Variants in PTPRK observed in about 807,000 individuals in gnomAD.
PTPRK encodes the protein protein tyrosine phosphatase receptor type K.
In PTPRK, 75 loss-of-function variants were observed where a neutral mutation model predicts 178.0. That is an observed-to-expected ratio of 0.42 (90% confidence interval 0.35 to 0.51). PTPRK has a LOEUF of 0.51. PTPRK is among the 20% of genes least tolerant of loss of function. The probability of loss-of-function intolerance (pLI) is 0.02; values close to 1 mark genes in which losing one functional copy is unlikely to be tolerated. For synonymous variants in PTPRK, 637 were observed against 620.6 expected, an observed-to-expected ratio of 1.03 and a Z score of -0.39; for missense variants, 1,441 against 1,797.8, an observed-to-expected ratio of 0.80 and a Z score of 3.59.
chr6:127,990,688 T>A, intron 21 of PTPRK, 81 bp downstream of exon 21: 1 of 896,578 alleles, frequency 1.1e-6, no homozygotes, highest in Non-Finnish European at 1.8e-6. Context: ...TATAGCATCA[T>A]CAAAACAGAA....
intron 2 of PTPRK, among the ~76,000 whole-genome samples, chr6:128,381,498 A>G (rs1229228710): frequency 2.0e-5 from 3 of 152,154 alleles, no homozygotes; most frequent in African/African-American, 7.2e-5. Context: ...TTAAAAAAAA[A>G]GTAAGTGAAA....
chr6:128,440,871 A>T (rs994492391), intron 1 of PTPRK, among the ~76,000 whole-genome samples: 2 of 145,472 alleles, frequency 1.4e-5, no homozygotes, highest in South Asian at 4.2e-4. Flanking sequence ...TTTTGCTATT[A>T]AAAAAAAAAT....
intron 29 of PTPRK, 58 bp downstream of exon 29, chr6:127,972,964 A>T: frequency 6.6e-7 from 1 of 1,526,570 alleles, no homozygotes; most frequent in Non-Finnish European, 9.1e-7. Context: ...ATCAATAAGT[A>T]GGTATATGAC....
At chr6:128,434,878 G>T (rs1276202511) in intron 1 of PTPRK, among the ~76,000 whole-genome samples, 3 of 151,898 alleles carry the variant, frequency 2.0e-5, no homozygotes, top group Admixed American at 2.0e-4. Flanking sequence ...AAAAAAAAAA[G>T]TTGAGCATGG....
chr6:128,435,339 G>T (rs368871958), intron 1 of PTPRK, among the ~76,000 whole-genome samples: 1 of 152,070 alleles, frequency 6.6e-6, no homozygotes, highest in Non-Finnish European at 1.5e-5. Flanking sequence ...TCCTGACAGG[G>T]TCTAAAATTG....
At chr6:128,434,202 T>C (rs1272130293) in intron 1 of PTPRK, among the ~76,000 whole-genome samples, 2 of 152,068 alleles carry the variant, frequency 1.3e-5, no homozygotes, top group African/African-American at 4.8e-5. Context: ...TCTGGGACGA[T>C]TCACAACCTC....
intron 6 of PTPRK, among the ~76,000 whole-genome samples, chr6:128,190,266 T>C (rs1034829467): frequency 7.9e-5 from 12 of 152,140 alleles, no homozygotes; most frequent in Non-Finnish European, 1.8e-4. Flanking sequence ...GTTATTTTTC[T>C]GATACTTCAA....
chr6:128,180,924 G>T (rs887494738), intron 7 of PTPRK, among the ~76,000 whole-genome samples: 2 of 152,022 alleles, frequency 1.3e-5, no homozygotes, highest in African/African-American at 4.8e-5. Context: ...TATTAAGGCC[G>T]TTAAAAGTCT....
At chr6:128,042,721 T>C (rs1488076837) in intron 13 of PTPRK, among the ~76,000 whole-genome samples, 2 of 152,074 alleles carry the variant, frequency 1.3e-5, no homozygotes, top group East Asian at 3.9e-4. Flanking sequence ...GGATTAGATG[T>C]AGACATCTTT....
chr6:128,324,656 C>G (rs1311019582), intron 2 of PTPRK, among the ~76,000 whole-genome samples: 1 of 152,096 alleles, frequency 6.6e-6, no homozygotes, highest in African/African-American at 2.4e-5. Flanking sequence ...TAATGCCTGA[C>G]TACTGCCACA....
chr6:128,192,205 C>G (rs1803924592), intron 6 of PTPRK, among the ~76,000 whole-genome samples: 1 of 152,040 alleles, frequency 6.6e-6, no homozygotes, highest in Admixed American at 6.6e-5. Flanking sequence ...CAACAGAACA[C>G]AAGTTATAAA....
chr6:128,102,478 A>G (rs895758053), intron 7 of PTPRK, among the ~76,000 whole-genome samples: 1 of 152,184 alleles, frequency 6.6e-6, no homozygotes, highest in Admixed American at 6.5e-5. Flanking sequence ...TTTCCAAAAC[A>G]TGACTACATG....
At chr6:128,434,163 G>T (rs1435899709) in intron 1 of PTPRK, among the ~76,000 whole-genome samples, 1 of 152,024 alleles carries the variant, frequency 6.6e-6, no homozygotes, top group African/African-American at 2.4e-5. Flanking sequence ...AATAGCCCAG[G>T]TGAATGCAAA....
rs147506447 is a variant in PTPRK at position 128,299,167 on chromosome 6, C to A, written c.495+22872G>T. 1.3e-3 allele frequency among the ~76,000 whole-genome samples: 204 copies of A among 152,070 alleles called. 1 individual carries two copies. Among genetic ancestry groups the A allele is most frequent in the African/African-American group, 4.6e-3 (189 of 41,482 alleles). On this transcript the variant is annotated intron_variant, in intron 3 of 29. Coordinates refer to ENST00000368226, the MANE Select transcript of PTPRK (RefSeq NM_002844.4). ...ACCTAGGAATCCAACTTACAAGGGA[C>A]GTGAAGGATATCTTCAAGGAGAACT...
intron 3 of PTPRK, among the ~76,000 whole-genome samples, chr6:128,298,654 T>A (rs372061149): frequency 1.5e-4 from 23 of 152,260 alleles, no homozygotes; most frequent in African/African-American, 4.8e-4. Flanking sequence ...AAAAGGCCGT[T>A]GACAAAATTC....
At chr6:128,072,597 AT>A (rs990735721) in intron 11 of PTPRK, among the ~76,000 whole-genome samples, 1 of 152,070 alleles carries the variant, frequency 6.6e-6, no homozygotes, top group Admixed American at 6.6e-5. Context: ...GGGTTGATAA[AT>A]TACCACATTC....
intron 6 of PTPRK, among the ~76,000 whole-genome samples, chr6:128,194,272 C>CAGACGGGG (rs1804483948): frequency 6.6e-6 from 1 of 151,590 alleles, no homozygotes; most frequent in Non-Finnish European, 1.5e-5. Context: ...ATTTTTCGTA[C>CAGACGGGG]AGACGGGGTT....
At chr6:128,024,289 A>G (rs1005543604) in intron 13 of PTPRK, among the ~76,000 whole-genome samples, 18 of 152,210 alleles carry the variant, frequency 1.2e-4, no homozygotes, top group African/African-American at 4.3e-4. Flanking sequence ...TTCTAGGCAC[A>G]TGGCCACAAC....
chr6:127,974,341 C>T (rs1583464955), intron 27 of PTPRK, among the ~76,000 whole-genome samples: 1 of 152,188 alleles, frequency 6.6e-6, no homozygotes, highest in Non-Finnish European at 1.5e-5. Flanking sequence ...GATCTGGCTC[C>T]ACCCCCTTCT....
Sources: gnomAD v4.1 joint callset for allele counts (sites outside exome capture counted in the v4.1 genomes callset) on GRCh38, gnomAD v4.1.1 for gene constraint, MANE v1.5 for transcripts, NCBI Gene and HGNC (gene_info 2026-07-23, HGNC 2026-07-21) for gene names.